The following ROBO2 variants were observed in gnomAD, a reference collection of about 807,000 sequenced individuals.
The protein encoded by ROBO2 is roundabout homolog 2.
In ROBO2, 53 loss-of-function variants were observed where a neutral mutation model predicts 160.8. That is an observed-to-expected ratio of 0.33 (90% CI 0.26 to 0.41). ROBO2 has a LOEUF of 0.41. Among genes scored for constraint, ROBO2 ranks in the 10% least tolerant of loss-of-function variants. The pLI is 1.00. For missense variants in ROBO2, 1,577 were observed against 1,722.4 expected, an observed-to-expected ratio of 0.92 and a Z score of 1.49; for synonymous variants, 664 against 611.7, an observed-to-expected ratio of 1.09 and a Z score of -1.26.
chr3:76,432,782 C>G, intron 2 of ROBO2, among the ~76,000 whole-genome samples: 1 of 151,740 alleles, frequency 6.6e-6, no homozygotes, highest in Non-Finnish European at 1.5e-5. Context: ...TATACAAACA[C>G]GCATAACCGA....
At chr3:77,189,158 T>A (rs1336447588) in intron 2 of ROBO2, among the ~76,000 whole-genome samples, 1 of 151,924 alleles carries the variant, frequency 6.6e-6, no homozygotes, top group Non-Finnish European at 1.5e-5. Flanking sequence ...TGGCCCCCGA[T>A]GAAATTTCTG....
intron 8 of ROBO2, among the ~76,000 whole-genome samples, chr3:77,554,488 G>A (rs1435193157): frequency 6.6e-6 from 1 of 151,934 alleles, no homozygotes; most frequent in East Asian, 1.9e-4. Flanking sequence ...GATCTGGGCA[G>A]GGTTAATTAA....
At chr3:76,469,517 CT>C (rs2078538830) in intron 2 of ROBO2, among the ~76,000 whole-genome samples, 1 of 152,076 alleles carries the variant, frequency 6.6e-6, no homozygotes, top group Admixed American at 6.6e-5. Context: ...GATTTCACCC[CT>C]GCCTACTCAC....
At chr3:77,044,915 C>A (rs992266061) in intron 1 of ROBO2, among the ~76,000 whole-genome samples, 1 of 152,144 alleles carries the variant, frequency 6.6e-6, no homozygotes, top group African/African-American at 2.4e-5. Flanking sequence ...GATCTATCAA[C>A]CTAAATCAAT....
rs143689930 is a variant in ROBO2, at chr3:77,574,753, T to C, written c.2203+23T>C. On this transcript the variant is annotated intron_variant, in intron 14 of 25. Coordinates refer to ENST00000461745, the Ensembl canonical transcript of ROBO2. Reference sequence around the variant, plus strand: ...AAGGTCAGTATTCAGATTTCGAATATAAATCAAACATGATGAAACCAATTT... The same window carrying C: ...AAGGTCAGTATTCAGATTTCGAATACAAATCAAACATGATGAAACCAATTT... The C allele has an allele frequency of 9.8e-3, 15,539 of 1,584,968 alleles. 91 individuals carry two copies. Among genetic ancestry groups the C allele is most frequent in the South Asian group, 0.011 (1,013 of 90,174 alleles).
chr3:76,536,025 G>C (rs557537709), intron 2 of ROBO2, among the ~76,000 whole-genome samples: 65 of 152,244 alleles, frequency 4.3e-4, no homozygotes, highest in African/African-American at 1.3e-3. Flanking sequence ...TTTCCAGTGG[G>C]GTCCTGCACA....
intron 2 of ROBO2, among the ~76,000 whole-genome samples, chr3:76,018,564 T>C (rs1452102588): frequency 6.6e-6 from 1 of 151,930 alleles, no homozygotes; most frequent in Non-Finnish European, 1.5e-5. Context: ...CTTTTTTGTA[T>C]GTTTTAAATA....
At chr3:77,413,073 A>G (rs1467101501) in intron 2 of ROBO2, among the ~76,000 whole-genome samples, 2 of 152,070 alleles carry the variant, frequency 1.3e-5, no homozygotes, top group Non-Finnish European at 2.9e-5. Flanking sequence ...AAAAATATCT[A>G]GTGAGTACAG....
At chr3:77,254,409 C>T (rs900779973) in intron 2 of ROBO2, among the ~76,000 whole-genome samples, 2 of 151,498 alleles carry the variant, frequency 1.3e-5, no homozygotes, top group Non-Finnish European at 1.5e-5. Flanking sequence ...GAGGAAGCAG[C>T]TTTACAATAT....
At chr3:76,377,626 C>T (rs773274507) in intron 2 of ROBO2, among the ~76,000 whole-genome samples, 22 of 152,098 alleles carry the variant, frequency 1.4e-4, no homozygotes, top group African/African-American at 4.8e-4. Flanking sequence ...TACACTTCAG[C>T]GAATGCTCTC....
At chr3:76,356,776 A>G (rs2075196323) in intron 2 of ROBO2, among the ~76,000 whole-genome samples, 1 of 151,830 alleles carries the variant, frequency 6.6e-6, no homozygotes, top group South Asian at 2.1e-4. Flanking sequence ...ATTGACTTTT[A>G]TTTAATACCC....
chr3:76,014,622 G>A (rs1345093280), intron 2 of ROBO2, among the ~76,000 whole-genome samples: 1 of 151,876 alleles, frequency 6.6e-6, no homozygotes, highest in Non-Finnish European at 1.5e-5. Context: ...AATCCCAGAA[G>A]TAATATGTAT....
At chr3:76,307,467 A>G (rs1175849067) in intron 2 of ROBO2, among the ~76,000 whole-genome samples, 3 of 148,716 alleles carry the variant, frequency 2.0e-5, no homozygotes, top group Non-Finnish European at 4.5e-5. Context: ...CTTTTTCTTC[A>G]TGTTTTCCTT....
At chr3:77,013,178 A>G (rs2062019803) in intron 2 of ROBO2, among the ~76,000 whole-genome samples, 1 of 152,192 alleles carries the variant, frequency 6.6e-6, no homozygotes, top group South Asian at 2.1e-4. Flanking sequence ...AAGGCATCAT[A>G]TCCTTAATCT....
At chr3:76,062,237 G>T (rs1275518928) in intron 2 of ROBO2, among the ~76,000 whole-genome samples, 2 of 152,204 alleles carry the variant, frequency 1.3e-5, no homozygotes, top group East Asian at 1.9e-4. Flanking sequence ...TGATTTTTGG[G>T]TGCAACAGTA....
intron 2 of ROBO2, among the ~76,000 whole-genome samples, chr3:77,463,773 G>T (rs1031272036): frequency 1.3e-5 from 2 of 152,002 alleles, no homozygotes; most frequent in African/African-American, 4.8e-5. Context: ...TGGGGATGGG[G>T]TTTCACCATG....
At chr3:76,244,330 C>G (rs182744184) in intron 2 of ROBO2, among the ~76,000 whole-genome samples, 48 of 152,206 alleles carry the variant, frequency 3.2e-4, no homozygotes, top group Non-Finnish European at 2.8e-4. Flanking sequence ...GTGCTATGTC[C>G]CCTTTCTGGG....
chr3:76,941,765 G>A (rs149916623), intron 2 of ROBO2, among the ~76,000 whole-genome samples: 14 of 152,194 alleles, frequency 9.2e-5, no homozygotes, highest in African/African-American at 3.1e-4. Flanking sequence ...GGAGAATTTC[G>A]CTAGAGCACC....
chr3:77,267,845 C>T (rs775153560), intron 2 of ROBO2, among the ~76,000 whole-genome samples: 16 of 152,256 alleles, frequency 1.1e-4, no homozygotes, highest in Non-Finnish European at 2.1e-4. Context: ...GGTCCTTATT[C>T]AATCACCACA....
Sources: allele counts gnomAD v4.1 joint callset (sites outside exome capture counted in the v4.1 genomes callset), GRCh38; gene constraint gnomAD v4.1.1; transcripts MANE v1.5; gene names NCBI Gene and HGNC (gene_info 2026-07-23, HGNC 2026-07-21).